Variants in DNAJC10 observed in about 807,000 individuals in gnomAD.
DNAJC10 encodes the protein endoplasmic reticulum disulfide reductase DNAJC10.
In DNAJC10, 101 loss-of-function variants were observed where a neutral mutation model predicts 115.0. The observed-to-expected ratio is 0.88, with a 90% CI of 0.75 to 1.04. DNAJC10 has a LOEUF of 1.04. Ranked by LOEUF, DNAJC10 falls within the 50% of genes least tolerant of loss-of-function variation. The probability of loss-of-function intolerance (pLI) is 0.00; values close to 1 mark genes in which losing one functional copy is unlikely to be tolerated. For synonymous variants in DNAJC10, 307 were observed against 301.5 expected, an observed-to-expected ratio of 1.02 and a Z score of -0.19; for missense variants, 981 against 928.8, an observed-to-expected ratio of 1.06 and a Z score of -0.73.
At position 182,768,269 on chromosome 2, in the gene DNAJC10, A is replaced by G. The variant is rs186611147; in HGVS notation, c.2265+5468A>G. ...TTCATTTCTTTGAATCAACAGCTCT[A>G]TTTCTCAGTTTTCAGAATAGCTGAG... On this transcript the variant is annotated intron_variant, in intron 22 of 23. Coordinates refer to ENST00000264065, the MANE Select transcript of DNAJC10 (RefSeq NM_018981.4). 1.8e-4 allele frequency among the ~76,000 whole-genome samples: 27 copies of G among 152,256 alleles called. No homozygotes were observed. In the East Asian group the frequency reaches 1.9e-3, roughly 11 times the overall value.
At chr2:182,748,727 A>T (rs1693937599) in intron 14 of DNAJC10, among the ~76,000 whole-genome samples, 1 of 151,844 alleles carries the variant, frequency 6.6e-6, no homozygotes, top group East Asian at 1.9e-4. Flanking sequence ...TTGCTTTTCT[A>T]GTTCTGTTAA....
Position 182,781,234 on chromosome 2 carries a change from TGTTA to T in DNAJC10, c.*4106_*4109del, listed in dbSNP as rs1314832536. The T allele has an allele frequency of 1.3e-5, 2 of 152,150 alleles. No homozygotes were observed. Among genetic ancestry groups the T allele is most frequent in the Non-Finnish European group, 2.9e-5 (2 of 68,024 alleles). The allele number at this position is 152,150 out of a possible 1,614,324, so 9.4% of individuals were successfully genotyped here. A position where few individuals can be genotyped will look rare whatever the true frequency, so the allele number is the denominator to read the frequency against. On this transcript the variant is annotated 3_prime_UTR_variant, in exon 24 of 24. Coordinates refer to ENST00000264065, the MANE Select transcript of DNAJC10 (RefSeq NM_018981.4). Reference sequence around the variant, plus strand: ...CATGTGGTGTTTGGTTTTCTGTTCCTGTTAGTTTGCTGAGAATAATGGTTTCCGG... The same window carrying T: ...CATGTGGTGTTTGGTTTTCTGTTCCTGTTTGCTGAGAATAATGGTTTCCGG...
At chr2:182,771,644 G>A (rs1309866251) in intron 22 of DNAJC10, among the ~76,000 whole-genome samples, 1 of 152,112 alleles carries the variant, frequency 6.6e-6, no homozygotes, top group Non-Finnish European at 1.5e-5. Flanking sequence ...TCTGATGGTA[G>A]TTTGTATTTC....
At chr2:182,774,503 C>T (rs1694651513) in intron 22 of DNAJC10, among the ~76,000 whole-genome samples, 1 of 152,220 alleles carries the variant, frequency 6.6e-6, no homozygotes, top group Non-Finnish European at 1.5e-5. Flanking sequence ...GTGGGCTCCA[C>T]CCAGTTTGAG....
At chr2:182,766,870 C>G (rs288292) in intron 22 of DNAJC10, among the ~76,000 whole-genome samples, 98,213 of 151,816 alleles carry the variant, frequency 0.65, 32,124 homozygotes, top group Middle Eastern at 0.74. Flanking sequence ...GGTGCTGTTG[C>G]CTGAACGGGG....
Position 182,793,654 on chromosome 2 carries a change from T to TA in DNAJC10, c.*16523dup, listed in dbSNP as rs750365015. The stretch of plus-strand genomic sequence containing the variant: ...ATGCAATTGGCTGTGACCTATCTGT[T>TA]ACAAAAATATATCTATATAATCCTA... On this transcript the variant is annotated 3_prime_UTR_variant, in exon 24 of 24. Coordinates refer to ENST00000264065, the MANE Select transcript of DNAJC10 (RefSeq NM_018981.4). The TA allele has an allele frequency of 2.6e-5, 4 of 152,130 alleles. No individual in the cohort carries two copies. Among genetic ancestry groups the TA allele is most frequent in the Admixed American group, 6.6e-5 (1 of 15,266 alleles). 9.4% of individuals were successfully genotyped at this position (152,130 alleles called of 1,614,324 possible).
chr2:182,741,995 A>G (rs1482684449), intron 13 of DNAJC10, among the ~76,000 whole-genome samples: 3 of 152,062 alleles, frequency 2.0e-5, no homozygotes, highest in African/African-American at 2.4e-5. Flanking sequence ...AAAAATGCAT[A>G]TATATTTATA....
intron 5 of DNAJC10, among the ~76,000 whole-genome samples, chr2:182,726,028 A>G (rs901990359): frequency 1.3e-5 from 2 of 152,232 alleles, no homozygotes; most frequent in African/African-American, 4.8e-5. Flanking sequence ...GGCAAAGTAA[A>G]TTGGAAACCT....
intron 19 of DNAJC10, among the ~76,000 whole-genome samples, chr2:182,758,235 C>G (rs1344420952): frequency 2.0e-5 from 3 of 152,092 alleles, no homozygotes; most frequent in Non-Finnish European, 2.9e-5. Context: ...TAGGAGTTAT[C>G]TAAGGCTTAG....
intron 22 of DNAJC10, among the ~76,000 whole-genome samples, chr2:182,763,653 A>G (rs1298672913): frequency 2.6e-5 from 4 of 152,116 alleles, no homozygotes; most frequent in Admixed American, 2.0e-4. Context: ...ATTCTCATGC[A>G]CAAATAACAT....
At chr2:182,763,782 T>A (rs1298257093) in intron 22 of DNAJC10, among the ~76,000 whole-genome samples, 1 of 152,148 alleles carries the variant, frequency 6.6e-6, no homozygotes, top group Non-Finnish European at 1.5e-5. Flanking sequence ...CACATGCTGG[T>A]CATCCAATGC....
chr2:182,741,381 C>A, intron 13 of DNAJC10, 25 bp downstream of exon 13: 1 of 1,211,398 alleles, frequency 8.3e-7, no homozygotes, highest in Non-Finnish European at 1.2e-6. Flanking sequence ...TTCTGCCTAG[C>A]CTTCTGCTGG....
At chr2:182,760,244 C>T (rs576035328) in intron 21 of DNAJC10, among the ~76,000 whole-genome samples, 9 of 152,266 alleles carry the variant, frequency 5.9e-5, no homozygotes, top group Middle Eastern at 6.8e-3. Context: ...AACTCAGCTC[C>T]GATGGCACTG....
chr2:182,773,065 TAAAGG>T (rs1574959925), intron 22 of DNAJC10, among the ~76,000 whole-genome samples: 2 of 152,336 alleles, frequency 1.3e-5, no homozygotes, highest in East Asian at 3.9e-4. Context: ...TGCTTGTCTG[TAAAGG>T]ATTTTATTTC....
At chr2:182,754,212 A>T (rs1469588823) in intron 16 of DNAJC10, among the ~76,000 whole-genome samples, 1 of 152,234 alleles carries the variant, frequency 6.6e-6, no homozygotes, top group African/African-American at 2.4e-5. Flanking sequence ...TCAGTGAATT[A>T]TTTGAATTTG....
chr2:182,773,327 G>A (rs1694616383), intron 22 of DNAJC10, among the ~76,000 whole-genome samples: 1 of 152,080 alleles, frequency 6.6e-6, no homozygotes, highest in African/African-American at 2.4e-5. Flanking sequence ...TGCTTGTCTT[G>A]AGGAGTATCT....
rs763144577 is a variant in DNAJC10, at chr2:182,759,187, A to AT, written c.2025_2026insT (p.Thr676TyrfsTer7). 7 of 1,601,396 alleles carry AT rather than the reference A, an allele frequency of 4.4e-6. No individual in the cohort carries two copies. Among genetic ancestry groups the AT allele is most frequent in the Non-Finnish European group, 5.9e-6 (7 of 1,177,022 alleles). ...TTTTACCTCAAGTATCCACAGATCT[A>AT]ACACCTCAGACTTTCAGTGAAAAAG... is the stretch of plus-strand genomic sequence containing the variant. On this transcript the variant is annotated frameshift_variant, in exon 21 of 24. Coordinates refer to ENST00000264065, the MANE Select transcript of DNAJC10 (RefSeq NM_018981.4). LOFTEE classifies it high-confidence loss of function.
intron 22 of DNAJC10, among the ~76,000 whole-genome samples, chr2:182,767,455 T>C (rs757181689): frequency 3.9e-5 from 6 of 152,172 alleles, no homozygotes; most frequent in Non-Finnish European, 7.3e-5. Context: ...TCCTGACCCA[T>C]GATAACCCAA....
intron 14 of DNAJC10, among the ~76,000 whole-genome samples, chr2:182,746,992 T>C (rs1237822017): frequency 1.3e-5 from 2 of 152,214 alleles, no homozygotes; most frequent in East Asian, 3.9e-4. Context: ...TAGGGAATCC[T>C]TTCCCCATTG....
Sources: allele counts gnomAD v4.1 joint callset (sites outside exome capture counted in the v4.1 genomes callset), GRCh38; gene constraint gnomAD v4.1.1; transcripts MANE v1.5; gene names NCBI Gene and HGNC (gene_info 2026-07-23, HGNC 2026-07-21).